AP2A2: variants seen among roughly 807,000 people sequenced by gnomAD.
AP2A2 encodes adaptor related protein complex 2 subunit alpha 2.
Under a neutral mutation model 104.2 loss-of-function variants are expected in AP2A2, and 32 were observed. The observed-to-expected ratio is 0.31, with a 90% CI of 0.23 to 0.41. AP2A2 has a LOEUF of 0.41. Ranked by LOEUF, AP2A2 falls within the 10% of genes least tolerant of loss-of-function variation. AP2A2 has a pLI of 1.00. For synonymous variants in AP2A2, 539 were observed against 533.3 expected, an observed-to-expected ratio of 1.01 and a Z score of -0.15; for missense variants, 912 against 1,261.0, an observed-to-expected ratio of 0.72 and a Z score of 4.19.
intron 21 of AP2A2, chr11:1,010,284 G>A: frequency 1.7e-6 from 1 of 572,182 alleles, no homozygotes; most frequent in Non-Finnish European, 3.1e-6. Flanking sequence ...TGTGGTTAGT[G>A]CTGCAAGAAC....
Position 1,000,555 on chromosome 11 carries a change from G to T in AP2A2, c.2080G>T (p.Val694Leu). ...GGACGTGTTCTCAGACTCGGCCTCT[G>T]TGGTCGCGCCTCTCGCTCCTGGCTC... is the stretch of plus-strand genomic sequence containing the variant. Reference protein sequence around the residue: ...LVDVFSDSASVVAPLAPGSED... With the variant: ...LVDVFSDSASLVAPLAPGSED... The change falls in exon 15 of 22, where the codon GTG becomes TTG. Residue 694 changes from valine to leucine, a missense_variant. By Grantham distance (32) the Val-to-Leu change is conservative (BLOSUM62 1). Around this residue, in one of 7 missense-constraint regions of AP2A2, gnomAD observed 239 missense variants for 329.8 expected, o/e 0.72. Coordinates refer to ENST00000448903, the MANE Select transcript of AP2A2 (RefSeq NM_012305.4). 1 of 1,550,816 alleles carries T rather than the reference G, an allele frequency of 6.4e-7. No individual in the cohort carries two copies. The highest frequency in any genetic ancestry group is 2.4e-5 in the East Asian group (1 of 41,982).
intron 1 of AP2A2, among the ~76,000 whole-genome samples, chr11:944,790 G>A (rs1372220855): frequency 6.6e-6 from 1 of 151,580 alleles, no homozygotes; most frequent in Non-Finnish European, 1.5e-5. Flanking sequence ...GGCCTTTGTC[G>A]GGGAGGATGA....
At chr11:958,035 A>T (rs1854293575) in intron 1 of AP2A2, among the ~76,000 whole-genome samples, 1 of 152,194 alleles carries the variant, frequency 6.6e-6, no homozygotes, top group African/African-American at 2.4e-5. Context: ...GCTCCACCCC[A>T]GTTCATATGC....
chr11:984,175 G>C (rs34032210), intron 6 of AP2A2, among the ~76,000 whole-genome samples: 1 of 152,184 alleles, frequency 6.6e-6, no homozygotes, highest in African/African-American at 2.4e-5. Context: ...GGCCGCATTG[G>C]ACACAGAGAT....
chr11:982,839 T>A (rs765614636), intron 6 of AP2A2, among the ~76,000 whole-genome samples: 5 of 150,586 alleles, frequency 3.3e-5, no homozygotes, highest in Non-Finnish European at 7.4e-5. Flanking sequence ...TTAGTAGAGA[T>A]GGGGTTTTTC....
intron 1 of AP2A2, among the ~76,000 whole-genome samples, chr11:949,729 C>T (rs1242357110): frequency 2.0e-5 from 3 of 150,798 alleles, no homozygotes; most frequent in Non-Finnish European, 4.4e-5. Context: ...GAGCCGAGAT[C>T]ACGCCACTGC....
intron 1 of AP2A2, among the ~76,000 whole-genome samples, chr11:944,007 C>G (rs1008341757): frequency 6.7e-6 from 1 of 148,520 alleles, no homozygotes; most frequent in East Asian, 2.0e-4. Flanking sequence ...GTGGAGATGG[C>G]GAGAGTAAGA....
Position 1,011,836 on chromosome 11 carries a change from A to G in AP2A2, c.*1211A>G, listed in dbSNP as rs1276956148. ...GGCAGCTGCAGGGGCTCATGGACCCATCAGGGTCTCCACAGCTCCCCTGCA... is the reference window on the plus strand; with the variant it reads ...GGCAGCTGCAGGGGCTCATGGACCCGTCAGGGTCTCCACAGCTCCCCTGCA... On this transcript the variant is annotated 3_prime_UTR_variant, in exon 22 of 22. Coordinates refer to ENST00000448903, the MANE Select transcript of AP2A2 (RefSeq NM_012305.4). 4 of 276,462 alleles carry G rather than the reference A, an allele frequency of 1.4e-5. No homozygotes were observed. In the East Asian group the frequency reaches 4.2e-4, roughly 29 times the overall value. 17.1% of individuals were successfully genotyped at this position (276,462 alleles called of 1,614,324 possible).
intron 14 of AP2A2, 41 bp downstream of exon 14, chr11:994,286 C>T: frequency 1.2e-6 from 2 of 1,603,154 alleles, no homozygotes; most frequent in African/African-American, 1.3e-5. Flanking sequence ...CTGTCAGGGC[C>T]TCACCCCCAA....
chr11:976,240 C>T (rs929303214), intron 4 of AP2A2, among the ~76,000 whole-genome samples: 5 of 152,176 alleles, frequency 3.3e-5, no homozygotes, highest in Non-Finnish European at 7.3e-5. Flanking sequence ...CTCCTCCTTG[C>T]AGGGGCGTTG....
chr11:973,645 G>C (rs369057354), intron 4 of AP2A2, among the ~76,000 whole-genome samples: 1 of 147,470 alleles, frequency 6.8e-6, no homozygotes, highest in Non-Finnish European at 1.5e-5. Flanking sequence ...GGGTGCCCAA[G>C]ATGGAAGGAA....
chr11:946,271 G>A (rs1853828692), intron 1 of AP2A2, among the ~76,000 whole-genome samples: 1 of 152,188 alleles, frequency 6.6e-6, no homozygotes, highest in South Asian at 2.1e-4. Context: ...CATGGTAGCT[G>A]GGAAAGCCAG....
intron 4 of AP2A2, among the ~76,000 whole-genome samples, chr11:973,089 G>T (rs1174202930): frequency 6.6e-6 from 1 of 152,228 alleles, no homozygotes; most frequent in Non-Finnish European, 1.5e-5. Flanking sequence ...CTGACCCCTC[G>T]CCCACACGGT....
In AP2A2 at chr11:994,096, C is replaced by G; in HGVS notation, c.1807C>G (p.Pro603Ala). The part of the protein sequence containing the change: ...ILATVLEEMP[P>A]FPERESSILA... The stretch of plus-strand genomic sequence containing the variant: ...GGCGACCGTGCTGGAGGAGATGCCC[C>G]CATTCCCGGAGCGGGAGTCCTCCAT... Residue 603 changes from proline to alanine, a missense_variant, in exon 14 of 22, where the codon CCA becomes GCA. Pro to Ala is a conservative substitution (Grantham distance 27). Around this residue, in one of 7 missense-constraint regions of AP2A2, gnomAD observed 137 missense variants for 186.9 expected, o/e 0.73. Coordinates refer to ENST00000448903, the MANE Select transcript of AP2A2 (RefSeq NM_012305.4). 6.2e-7 allele frequency: 1 copy of G among 1,613,068 alleles called. No individual in the cohort carries two copies. The highest frequency in any genetic ancestry group is 8.5e-7 in the Non-Finnish European group (1 of 1,179,842).
rs1233766080 is a variant in AP2A2 at position 992,118 on chromosome 11, C to T, written c.1270-385C>T. On this transcript the variant is annotated intron_variant, in intron 10 of 21. Coordinates refer to ENST00000448903, the MANE Select transcript of AP2A2 (RefSeq NM_012305.4). The surrounding 1 kb of genome is among the most constrained non-coding windows in gnomAD (Gnocchi z 6.4). ...AGCCCAGGGTGGCGCAGTCACTGGC[C>T]GCCGGGAGCCCAGGGTGGCGCAGTC... Among the ~76,000 whole-genome samples the T allele has an allele frequency of 6.6e-6, 1 of 152,040 alleles. No individual in the cohort carries two copies. The highest frequency in any genetic ancestry group is 1.5e-5 in the Non-Finnish European group (1 of 67,996).
At chr11:994,280 CAG>C in intron 14 of AP2A2, 35 bp downstream of exon 14, 1 of 1,606,656 alleles carries the variant, frequency 6.2e-7, no homozygotes, top group Non-Finnish European at 8.5e-7. Flanking sequence ...CCAGACCTGT[CAG>C]GGCCTCACCC....
chr11:969,422 T>C lies in AP2A2; in HGVS notation c.137-747T>C, dbSNP rs147319785. 1.7e-4 allele frequency among the ~76,000 whole-genome samples: 26 copies of C among 151,952 alleles called. 1 individual carries two copies. The highest frequency in any genetic ancestry group is 6.8e-3 in the Middle Eastern group (2 of 294). On this transcript the variant is annotated intron_variant, in intron 2 of 21. Coordinates refer to ENST00000448903, the MANE Select transcript of AP2A2 (RefSeq NM_012305.4). ...TTTTGTATTTTTACTAGAGATGGTG[T>C]TTCTCCATGTTGAGGCTGGTCTCGA...
At chr11:989,258 C>T (rs909910759) in intron 10 of AP2A2, among the ~76,000 whole-genome samples, 19 of 151,720 alleles carry the variant, frequency 1.3e-4, no homozygotes, top group African/African-American at 1.2e-4. Context: ...ACCCGGGAGG[C>T]GGAGGCGGAG....
intron 15 of AP2A2, 74 bp from the exon 16 acceptor site, chr11:1,003,648 T>G (rs1856101815): frequency 9.7e-7 from 1 of 1,030,368 alleles, no homozygotes; most frequent in African/African-American, 1.7e-5. Flanking sequence ...TGCTGTGAGT[T>G]TTTTTCCAGA....
Sources: gnomAD v4.1 joint callset for allele counts (sites outside exome capture counted in the v4.1 genomes callset) on GRCh38, gnomAD v4.1.1 for gene constraint, gnomAD v4.1.1 regional missense constraint, Gnocchi (gnomAD v3.1) non-coding constraint, MANE v1.5 for transcripts, NCBI Gene and HGNC (gene_info 2026-07-23, HGNC 2026-07-21) for gene names.